The following SLIT1 variants were observed in gnomAD, a reference collection of about 807,000 sequenced individuals.
The protein encoded by SLIT1 is slit guidance ligand 1, also known as slit homolog 1 protein.
A neutral mutation model predicts 186.1 loss-of-function variants in SLIT1; 66 were observed. That is an observed-to-expected ratio of 0.35 (90% CI 0.29 to 0.44). SLIT1 has a LOEUF of 0.44. SLIT1 is among the 20% of genes least tolerant of loss of function. The pLI, the probability that SLIT1 is intolerant of heterozygous loss-of-function variation, is 1.00. For missense variants in SLIT1, 1,638 were observed against 2,037.4 expected, an observed-to-expected ratio of 0.80 and a Z score of 3.77; for synonymous variants, 761 against 833.8, an observed-to-expected ratio of 0.91 and a Z score of 1.50.
At chr10:97,079,961 G>C (rs928673071) in intron 4 of SLIT1, among the ~76,000 whole-genome samples, 1 of 152,192 alleles carries the variant, frequency 6.6e-6, no homozygotes, top group Admixed American at 6.5e-5. Flanking sequence ...AGCCTTCAGA[G>C]TAGGTCCAAA....
At chr10:97,179,976 C>T (rs911343018) in intron 1 of SLIT1, among the ~76,000 whole-genome samples, 5 of 152,240 alleles carry the variant, frequency 3.3e-5, no homozygotes, top group African/African-American at 1.2e-4. Flanking sequence ...GGCAACTCCG[C>T]CAAGCACCCG....
intron 4 of SLIT1, among the ~76,000 whole-genome samples, chr10:97,096,651 C>T (rs544448653): frequency 1.6e-3 from 245 of 152,238 alleles, no homozygotes; most frequent in African/African-American, 5.8e-3. Flanking sequence ...TCGCCACCTG[C>T]CCACAGCACA....
intron 4 of SLIT1, among the ~76,000 whole-genome samples, chr10:97,071,528 AAAGCCTTT>A (rs1488030644): frequency 1.3e-5 from 2 of 152,210 alleles, no homozygotes; most frequent in Non-Finnish European, 2.9e-5. Flanking sequence ...CTTGTTCTAG[AAAGCCTTT>A]AAGGTGGCTT....
intron 4 of SLIT1, among the ~76,000 whole-genome samples, chr10:97,083,445 G>C (rs527450423): frequency 6.6e-6 from 1 of 152,330 alleles, no homozygotes; most frequent in Admixed American, 6.5e-5. Context: ...ACACTTGATG[G>C]ATGAACTTGG....
At chr10:97,008,289 A>C (rs914813616) in intron 31 of SLIT1, among the ~76,000 whole-genome samples, 1 of 152,262 alleles carries the variant, frequency 6.6e-6, no homozygotes, top group African/African-American at 2.4e-5. Flanking sequence ...TAAATTTTTT[A>C]AGTGCAAAAC....
chr10:97,138,628 A>G (rs1849726908), intron 4 of SLIT1, among the ~76,000 whole-genome samples: 1 of 146,142 alleles, frequency 6.8e-6, no homozygotes, highest in Non-Finnish European at 1.5e-5. Flanking sequence ...CTATAAACGC[A>G]GTTGTGATTT....
chr10:97,059,243 C>T lies in SLIT1; in HGVS notation c.1085+217G>A, dbSNP rs140491966. ...GCCTAGCTTCTCCACACTTCTCCCG[C>T]TCCCAGCGTCGGAGGGTCCACCAGT... On this transcript the variant is annotated intron_variant, in intron 11 of 36. Transcript: ENST00000266058. Among the ~76,000 whole-genome samples the T allele has an allele frequency of 1.4e-3, 214 of 152,378 alleles. 1 individual carries two copies. Among genetic ancestry groups the T allele is most frequent in the African/African-American group, 5.0e-3 (208 of 41,592 alleles).
intron 1 of SLIT1, among the ~76,000 whole-genome samples, chr10:97,170,840 T>C (rs986814674): frequency 6.6e-6 from 1 of 152,182 alleles, no homozygotes; most frequent in East Asian, 1.9e-4. Context: ...TCTCTGGGTG[T>C]TTGTGAGGAA....
intron 4 of SLIT1, among the ~76,000 whole-genome samples, chr10:97,119,092 G>A (rs867962745): frequency 9.2e-5 from 14 of 152,224 alleles, no homozygotes; most frequent in Admixed American, 2.6e-4. Flanking sequence ...TTCCCCTGGA[G>A]GGGCAGTGTT....
At position 97,000,984 on chromosome 10, in the gene SLIT1, G is replaced by C; in HGVS notation, c.*128C>G. The stretch of plus-strand genomic sequence containing the variant: ...GGCTGCTCTGGCACCACCCCACCCA[G>C]GAGGGCCCAGCTGCCCAGGAGCCGT... On this transcript the variant is annotated 3_prime_UTR_variant, in exon 37 of 37. Transcript: ENST00000266058. 1 of 712,868 alleles carries C rather than the reference G, an allele frequency of 1.4e-6. No homozygotes were observed. Among genetic ancestry groups the C allele is most frequent in the Admixed American group, 2.7e-5 (1 of 36,560 alleles). The allele number at this position is 712,868 out of a possible 1,614,324, so 44.2% of individuals were successfully genotyped here.
intron 1 of SLIT1, among the ~76,000 whole-genome samples, chr10:97,180,373 G>A (rs1312782072): frequency 6.6e-6 from 1 of 152,224 alleles, no homozygotes; most frequent in Non-Finnish European, 1.5e-5. Flanking sequence ...TTATGGGCAA[G>A]GAAATGGGGG....
intron 4 of SLIT1, among the ~76,000 whole-genome samples, chr10:97,119,179 C>G (rs1004033557): frequency 4.6e-5 from 7 of 152,196 alleles, no homozygotes; most frequent in African/African-American, 1.7e-4. Flanking sequence ...TCTTACCTTC[C>G]TGTAAACCCA....
intron 34 of SLIT1, among the ~76,000 whole-genome samples, 187 bp downstream of exon 34, chr10:97,003,881 T>G (rs1194496656): frequency 6.6e-6 from 1 of 152,192 alleles, no homozygotes; most frequent in African/African-American, 2.4e-5. Context: ...CCATCCTCCT[T>G]GGTCAGTCTG....
chr10:97,178,626 T>C (rs1471632333), intron 1 of SLIT1, among the ~76,000 whole-genome samples: 1 of 152,198 alleles, frequency 6.6e-6, no homozygotes, highest in African/African-American at 2.4e-5. Flanking sequence ...AGAATAGTTT[T>C]GCACCGATGT....
rs773656574 is a variant in SLIT1, at chr10:97,157,808, C to T, written c.413+10G>A. On this transcript the variant is annotated intron_variant, in intron 4 of 36. Transcript: ENST00000266058. ...CAGGGAGAACTCTCTGGCCACAGAG[C>T]GTCACTCACAGTCTTGACAAAGCCT... 3 of 1,605,798 alleles carry T rather than the reference C, an allele frequency of 1.9e-6. No homozygotes were observed. The highest frequency in any genetic ancestry group is 2.2e-5 in the East Asian group (1 of 44,854).
intron 4 of SLIT1, among the ~76,000 whole-genome samples, chr10:97,089,654 C>T (rs1417557221): frequency 1.1e-4 from 16 of 152,084 alleles, no homozygotes; most frequent in African/African-American, 3.6e-4. Context: ...TGGAAGGTGT[C>T]CTGTCCTTAC....
chr10:97,006,766 G>A lies in SLIT1; in HGVS notation c.3342-46C>T. 7.8e-7 allele frequency: 1 copy of A among 1,284,134 alleles called. No homozygotes were observed. The highest frequency in any genetic ancestry group is 1.2e-5 in the South Asian group (1 of 82,820). The allele number at this position is 1,284,134 out of a possible 1,614,324, so 79.5% of individuals were successfully genotyped here. On this transcript the variant is annotated intron_variant, in intron 31 of 36. Coordinates refer to ENST00000266058, the MANE Select transcript of SLIT1 (RefSeq NM_003061.3). This position sits in a 1 kb window ranked among gnomAD's most constrained non-coding sequence, Gnocchi z 4.0. ...TCAGAGAGGGCCAAGGAGGAAGGGA[G>A]TATCTTCCTCTCCCACAGCCCTGGA... is the stretch of plus-strand genomic sequence containing the variant.
intron 1 of SLIT1, 131 bp downstream of exon 1, chr10:97,185,347 A>G (rs1472350930): frequency 1.2e-6 from 1 of 861,394 alleles, no homozygotes; most frequent in African/African-American, 1.7e-5. Context: ...CCCGGCAGGC[A>G]CTGACCCGTC....
chr10:97,098,433 A>T (rs1429132390), intron 4 of SLIT1, among the ~76,000 whole-genome samples: 1 of 152,136 alleles, frequency 6.6e-6, no homozygotes, highest in East Asian at 1.9e-4. Context: ...GGCTGGAGGG[A>T]CCTGGGAGAC....
Sources: gnomAD v4.1 joint callset for allele counts (sites outside exome capture counted in the v4.1 genomes callset) on GRCh38, gnomAD v4.1.1 for gene constraint, Gnocchi (gnomAD v3.1) non-coding constraint, MANE v1.5 for transcripts, NCBI Gene and HGNC (gene_info 2026-07-23, HGNC 2026-07-21) for gene names.